The following ZNF536 variants were observed in gnomAD, a reference collection of about 807,000 sequenced individuals.
The protein encoded by ZNF536 is zinc finger protein 536.
A neutral mutation model predicts 84.5 loss-of-function variants in ZNF536; 13 were observed. The ratio of observed to expected loss-of-function variants is 0.15; its 90% CI spans 0.10 to 0.24. ZNF536 has a LOEUF of 0.24. Ranked by LOEUF, ZNF536 falls within the 10% of genes least tolerant of loss-of-function variation. ZNF536 has a pLI of 1.00. For missense variants in ZNF536, 1,536 were observed against 1,747.5 expected, an observed-to-expected ratio of 0.88 and a Z score of 2.16; for synonymous variants, 811 against 742.5, an observed-to-expected ratio of 1.09 and a Z score of -1.50.
intron 2 of ZNF536, among the ~76,000 whole-genome samples, chr19:30,308,501 G>T (rs1462231405): frequency 1.3e-5 from 2 of 152,142 alleles, no homozygotes; most frequent in Non-Finnish European, 2.9e-5. Flanking sequence ...TAGCTGGAGA[G>T]AAATTCTTGA....
At chr19:30,441,888 T>C (rs1380837532) in intron 1 of ZNF536, among the ~76,000 whole-genome samples, 2 of 152,188 alleles carry the variant, frequency 1.3e-5, no homozygotes, top group African/African-American at 4.8e-5. Flanking sequence ...AGGTCTCCCA[T>C]TGGAGACCCT....
chr19:30,359,195 G>A (rs2048191951), intron 3 of ZNF536, among the ~76,000 whole-genome samples: 10 of 152,236 alleles, frequency 6.6e-5, no homozygotes, highest in Admixed American at 6.5e-4. Context: ...AACACTTTGT[G>A]TAAACACAAG....
Position 30,547,955 on chromosome 19 carries a change from A to G in ZNF536, c.2336A>G (p.Tyr779Cys). 1 of 1,550,242 alleles carries G rather than the reference A, an allele frequency of 6.5e-7. No individual in the cohort carries two copies. Among genetic ancestry groups the G allele is most frequent in the South Asian group, 1.2e-5 (1 of 80,106 alleles). The change falls in exon 4 of 5, where the codon TAC becomes TGC. Residue 779 changes from tyrosine (Y) to cysteine (C), a missense_variant. By Grantham distance (194) the Tyr-to-Cys change is radical. This residue lies in a region of ZNF536 where 148 missense variants were observed against 205.4 expected (regional missense o/e 0.72). Coordinates refer to ENST00000355537, the MANE Select transcript of ZNF536 (RefSeq NM_014717.3). ...HLRIHTGEKP[Y>C]KCPHCDYAGT... ...CAAAATCTTGCAGGTGAGAAACCCT[A>G]CAAGTGTCCGCACTGTGACTATGCC...
rs2044997200 is a variant in ZNF536 at position 30,534,756 on chromosome 19, A to G, written c.2171-91A>G. On this transcript the variant is annotated intron_variant, in intron 2 of 4. Transcript: ENST00000355537. ...TGAAATAGACAGGTGTAGTATTGAC[A>G]TGTTTAACTTTGTGTGGTGTTAGCA... The G allele has an allele frequency of 4.4e-6, 6 of 1,350,104 alleles. No homozygotes were observed. The South Asian group carries it at 7.9e-5, about 18-fold the overall frequency. The allele number at this position is 1,350,104 out of a possible 1,614,324, so 83.6% of individuals were successfully genotyped here.
rs2052415311 is a variant in ZNF536 at position 30,710,404 on chromosome 19, T to C, written c.170-353T>C. On this transcript the variant is annotated intron_variant, in intron 1 of 1. Transcript: ENST00000592773. ...AACAAACAAACAAAATTGCTGGGCA[T>C]TGTGGTGTACCTGTAGTCCCAGCTA... Among the ~76,000 whole-genome samples, 3 of 152,186 alleles carry C rather than the reference T, an allele frequency of 2.0e-5. No homozygotes were observed. In the South Asian group the frequency reaches 6.2e-4, roughly 32 times the overall value.
chr19:30,361,473 T>C (rs1264689932), intron 3 of ZNF536, among the ~76,000 whole-genome samples: 1 of 152,184 alleles, frequency 6.6e-6, no homozygotes, highest in East Asian at 1.9e-4. Context: ...ATGGTGCTTT[T>C]TGCTTTGTAA....
intron 2 of ZNF536, among the ~76,000 whole-genome samples, chr19:30,450,396 C>A (rs1024936087): frequency 1.3e-5 from 2 of 152,168 alleles, no homozygotes; most frequent in Non-Finnish European, 2.9e-5. Flanking sequence ...GTAAAAGTTT[C>A]CAGGCAATTC....
At chr19:30,417,307 T>C (rs1049639262) in intron 1 of ZNF536, among the ~76,000 whole-genome samples, 4 of 152,006 alleles carry the variant, frequency 2.6e-5, no homozygotes, top group Admixed American at 6.6e-5. Context: ...CTGATTTCAT[T>C]TACTTTCCAT....
intron 2 of ZNF536, among the ~76,000 whole-genome samples, chr19:30,520,827 T>G (rs982731148): frequency 2.6e-5 from 4 of 152,152 alleles, no homozygotes; most frequent in Non-Finnish European, 5.9e-5. Context: ...TGACCTTTTG[T>G]CCACAGTAGG....
intron 1 of ZNF536, among the ~76,000 whole-genome samples, chr19:30,379,648 A>ACATGCCCTC (rs2147144998): frequency 6.6e-6 from 1 of 150,610 alleles, no homozygotes; most frequent in South Asian, 2.1e-4. Context: ...TGGGGGGTGT[A>ACATGCCCTC]GTGGGTATGC....
intron 2 of ZNF536, among the ~76,000 whole-genome samples, chr19:30,319,713 A>T (rs1161497443): frequency 6.6e-6 from 1 of 152,244 alleles, no homozygotes; most frequent in East Asian, 1.9e-4. Flanking sequence ...TAAAGGCAAG[A>T]TTGCATCTCC....
chr19:30,428,565 T>A (rs1204745811), intron 1 of ZNF536, among the ~76,000 whole-genome samples: 1 of 152,026 alleles, frequency 6.6e-6, no homozygotes, highest in African/African-American at 2.4e-5. Context: ...GAAGGCTGCT[T>A]GCAGCTTGGG....
chr19:30,373,877 G>A (rs1568367822), intron 1 of ZNF536, among the ~76,000 whole-genome samples: 1 of 152,176 alleles, frequency 6.6e-6, no homozygotes, highest in Non-Finnish European at 1.5e-5. Flanking sequence ...AGTGGGAGCC[G>A]GGGCCAAGGT....
intron 2 of ZNF536, among the ~76,000 whole-genome samples, chr19:30,458,375 G>C (rs1211206417): frequency 6.6e-6 from 1 of 151,312 alleles, no homozygotes; most frequent in Non-Finnish European, 1.5e-5. Flanking sequence ...TGATTTTAAA[G>C]GGTCTTACCT....
intron 2 of ZNF536, among the ~76,000 whole-genome samples, chr19:30,345,772 G>T (rs538092748): frequency 5.4e-4 from 82 of 152,314 alleles, no homozygotes; most frequent in African/African-American, 1.9e-3. Context: ...ACAGATCCAT[G>T]AAGTCTGCAG....
intron 1 of ZNF536, among the ~76,000 whole-genome samples, chr19:30,275,826 GGTGT>G (rs1357047048): frequency 1.6e-5 from 2 of 127,506 alleles, no homozygotes; most frequent in African/African-American, 5.9e-5. Context: ...GCCCTCAGAA[GGTGT>G]GTGTGTGTGA....
chr19:30,278,582 T>C (rs1287755117), intron 1 of ZNF536, among the ~76,000 whole-genome samples: 1 of 152,132 alleles, frequency 6.6e-6, no homozygotes, highest in Non-Finnish European at 1.5e-5. Context: ...ACCTGGGTCC[T>C]GGGCTGAGGC....
chr19:30,713,291 GT>G (rs1220225388), exon 2 of ZNF536: 2 of 152,072 alleles, frequency 1.3e-5, no homozygotes, highest in Admixed American at 6.5e-5. Flanking sequence ...AACATGTCAA[GT>G]TTTTTCCCTG....
chr19:30,241,674 C>T (rs1045426649), intron 1 of ZNF536, among the ~76,000 whole-genome samples: 2 of 152,242 alleles, frequency 1.3e-5, no homozygotes, highest in East Asian at 1.9e-4. Context: ...TCTCCTCTCT[C>T]ACTGCACTCT....
Sources: gnomAD v4.1 joint callset for allele counts (sites outside exome capture counted in the v4.1 genomes callset) on GRCh38, gnomAD v4.1.1 for gene constraint, gnomAD v4.1.1 regional missense constraint, MANE v1.5 for transcripts, NCBI Gene and HGNC (gene_info 2026-07-23, HGNC 2026-07-21) for gene names.